Variants in TBC1D8 observed in about 807,000 individuals in gnomAD.
The protein encoded by TBC1D8 is BUB2-like protein 1.
A neutral mutation model predicts 118.8 loss-of-function variants in TBC1D8; 65 were observed. The ratio of observed to expected loss-of-function variants is 0.55; its 90% CI spans 0.45 to 0.67. The LOEUF is 0.67. Ranked by LOEUF, TBC1D8 falls within the 30% of genes least tolerant of loss-of-function variation. The probability of loss-of-function intolerance (pLI) is 0.00; values close to 1 mark genes in which losing one functional copy is unlikely to be tolerated. For missense variants in TBC1D8, 1,376 were observed against 1,471.2 expected (o/e 0.94, Z 1.06); for synonymous variants, 566 against 595.8 (o/e 0.95, Z 0.73).
At chr2:101,132,197 T>C (rs1447649542) in intron 1 of TBC1D8, among the ~76,000 whole-genome samples, 1 of 152,230 alleles carries the variant, frequency 6.6e-6, no homozygotes, top group African/African-American at 2.4e-5. Context: ...ATTTTTCTTT[T>C]TCTATTTCTT....
intron 17 of TBC1D8, among the ~76,000 whole-genome samples, chr2:101,011,867 A>G (rs189580167): frequency 1.3e-3 from 193 of 152,368 alleles, no homozygotes; most frequent in African/African-American, 4.4e-3. Context: ...AAACTGAAAT[A>G]TATCCATGCA....
chr2:101,007,999 G>C lies in TBC1D8; in HGVS notation c.3290C>G (p.Thr1097Ser), dbSNP rs1678867833. ...AFPEAAERDW[T>S]VSLEHILASL... The stretch of plus-strand genomic sequence containing the variant: ...AGCTAAAATATGTTCAAGGGAGACA[G>C]TCCAGTCCCTTTCTGCCGCCTCTGG... The change falls in exon 20 of 20, where the codon ACT becomes AGT. Residue 1097 changes from threonine to serine, a missense_variant. Transcript: ENST00000409318. The C allele has an allele frequency of 6.2e-7, 1 of 1,613,936 alleles. No homozygotes were observed. Among genetic ancestry groups the C allele is most frequent in the South Asian group, 1.1e-5 (1 of 91,092 alleles).
In TBC1D8 at chr2:101,151,227, C is replaced by G; in HGVS notation, c.27G>C (p.Leu9=). 1 of 1,246,630 alleles carries G rather than the reference C, an allele frequency of 8.0e-7. No individual in the cohort carries two copies. The highest frequency in any genetic ancestry group is 1.0e-6 in the Non-Finnish European group (1 of 969,746). 77.2% of individuals were successfully genotyped at this position (1,246,630 alleles called of 1,614,324 possible). MWLKPEEV[L]LKNALKLWVT... ...CCCAGAGCTTCAGCGCGTTCTTCAG[C>G]AGCACCTCCTCGGGCTTGAGCCACA... The change falls in exon 1 of 20, where the codon CTG becomes CTC. Residue 9 remains leucine, a synonymous_variant. Transcript: ENST00000409318.
chr2:101,037,425 T>C, intron 8 of TBC1D8, 107 bp downstream of exon 8: 1 of 1,479,892 alleles, frequency 6.8e-7, no homozygotes, highest in East Asian at 2.3e-5. Context: ...GAGCGTTAGC[T>C]TCCCAAAGTC....
chr2:101,130,831 C>T (rs1174643505), intron 1 of TBC1D8, among the ~76,000 whole-genome samples: 2 of 152,112 alleles, frequency 1.3e-5, no homozygotes, highest in African/African-American at 4.8e-5. Flanking sequence ...GTTGAATGGC[C>T]TTCTTTTCCA....
chr2:101,017,871 A>G (rs1297767171), intron 17 of TBC1D8: 4 of 1,550,848 alleles, frequency 2.6e-6, no homozygotes, highest in Middle Eastern at 1.7e-4. Context: ...CTTCAAAACG[A>G]TGATCTCTTC....
intron 2 of TBC1D8, among the ~76,000 whole-genome samples, chr2:101,081,890 G>A (rs1175845548): frequency 6.6e-6 from 1 of 152,202 alleles, no homozygotes; most frequent in African/African-American, 2.4e-5. Context: ...TGCAATCCCA[G>A]CACTTTGGGA....
At position 101,040,391 on chromosome 2, in the gene TBC1D8, G is replaced by A. The variant is rs767537258; in HGVS notation, c.873-6C>T. ...GTGCTCTGGCTTCCAGGTCCCTGGG[G>A]AAGGACAGGGAGAGAAGAAGAAGAG... On this transcript the variant is annotated splice_region_variant and splice_polypyrimidine_tract_variant and intron_variant, in intron 5 of 19. Transcript: ENST00000409318. The A allele has an allele frequency of 2.5e-6, 4 of 1,584,962 alleles. No individual in the cohort carries two copies. The South Asian group carries it at 3.4e-5, about 13-fold the overall frequency.
intron 10 of TBC1D8, 122 bp downstream of exon 10, chr2:101,033,422 T>G: frequency 8.5e-7 from 1 of 1,177,820 alleles, no homozygotes; most frequent in Non-Finnish European, 1.2e-6. Context: ...AGGGACCGAG[T>G]ACAGCGCCTT....
At chr2:101,019,006 C>T (rs771875824) in intron 17 of TBC1D8, 11 of 1,612,634 alleles carry the variant, frequency 6.8e-6, no homozygotes, top group Non-Finnish European at 7.6e-6. Flanking sequence ...AGTTTCTGTG[C>T]TAAACAGTGT....
intron 2 of TBC1D8, among the ~76,000 whole-genome samples, chr2:101,074,181 A>C (rs568419548): frequency 6.6e-6 from 1 of 152,322 alleles, no homozygotes; most frequent in African/African-American, 2.4e-5. Context: ...TAATTAGCCT[A>C]ATTTCAGTAT....
rs184338145 is a variant in TBC1D8 at position 101,032,421 on chromosome 2, C to T, written c.1819-36G>A. ...GTCAAGGAGGGCAGTTACTGACTGG[C>T]CCATGTGATGCCACAGAGATGTTAC... is the stretch of plus-strand genomic sequence containing the variant. On this transcript the variant is annotated intron_variant, in intron 10 of 19. Coordinates refer to ENST00000409318, the MANE Select transcript of TBC1D8 (RefSeq NM_001330348.2). The T allele has an allele frequency of 1.3e-5, 20 of 1,558,496 alleles. No individual in the cohort carries two copies. In the Admixed American group the frequency reaches 2.2e-4, roughly 17 times the overall value.
At chr2:101,149,787 T>C (rs1679472554) in intron 1 of TBC1D8, among the ~76,000 whole-genome samples, 1 of 152,190 alleles carries the variant, frequency 6.6e-6, no homozygotes, top group Non-Finnish European at 1.5e-5. Context: ...ACAAGGCCAC[T>C]GTGGCCCCTG....
chr2:101,085,786 G>A (rs1356124657), intron 2 of TBC1D8, among the ~76,000 whole-genome samples: 1 of 152,184 alleles, frequency 6.6e-6, no homozygotes, highest in Non-Finnish European at 1.5e-5. Flanking sequence ...TCACAGATGA[G>A]CTAATGGGTA....
chr2:101,116,353 G>T (rs1033616278), intron 1 of TBC1D8, among the ~76,000 whole-genome samples: 2 of 152,178 alleles, frequency 1.3e-5, no homozygotes, highest in Non-Finnish European at 2.9e-5. Flanking sequence ...ACTCTGCTCT[G>T]TATCAGCTGT....
intron 5 of TBC1D8, among the ~76,000 whole-genome samples, chr2:101,049,655 G>C (rs190908662): frequency 1.3e-5 from 2 of 151,960 alleles, no homozygotes; most frequent in African/African-American, 4.8e-5. Context: ...TTGAACCTGA[G>C]AGGCAGAGGT....
At chr2:101,030,174 G>A (rs1680584931) in intron 11 of TBC1D8, among the ~76,000 whole-genome samples, 1 of 152,114 alleles carries the variant, frequency 6.6e-6, no homozygotes, top group Non-Finnish European at 1.5e-5. Context: ...AGAAAAAATT[G>A]TAAACTGGAC....
Position 101,077,350 on chromosome 2 carries a change from C to A in TBC1D8, c.283+12859G>T, listed in dbSNP as rs546577720. Among the ~76,000 whole-genome samples, 199 of 151,150 alleles carry A rather than the reference C, an allele frequency of 1.3e-3. 3 individuals are homozygous for A. The highest frequency in any genetic ancestry group is 3.4e-3 in the Middle Eastern group (1 of 294). ...GCAACCTCCGCCTCCCGGGTTCACGCCATTCTCCTGCCTCAGCCTCCCGGG... is the reference window on the plus strand; with the variant it reads ...GCAACCTCCGCCTCCCGGGTTCACGACATTCTCCTGCCTCAGCCTCCCGGG... On this transcript the variant is annotated intron_variant, in intron 2 of 19. Transcript: ENST00000409318.
chr2:101,069,937 C>T (rs1475171690), intron 2 of TBC1D8, among the ~76,000 whole-genome samples: 2 of 147,070 alleles, frequency 1.4e-5, no homozygotes, highest in African/African-American at 2.5e-5. Flanking sequence ...TTTTTTCACA[C>T]GGAATTTTGC....
Sources: allele counts gnomAD v4.1 joint callset (sites outside exome capture counted in the v4.1 genomes callset), GRCh38; gene constraint gnomAD v4.1.1; transcripts MANE v1.5; gene names NCBI Gene and HGNC (gene_info 2026-07-23, HGNC 2026-07-21).